TCN1: variants seen among roughly 807,000 people sequenced by gnomAD.
TCN1 encodes transcobalamin 1, also known as transcobalamin-1.
A neutral mutation model predicts 46.3 loss-of-function variants in TCN1; 47 were observed. The ratio of observed to expected loss-of-function variants is 1.01; its 90% confidence interval spans 0.80 to 1.29. TCN1 has a LOEUF of 1.29. Among genes scored for constraint, TCN1 ranks in the 50% most tolerant of loss-of-function variants. TCN1 has a pLI of 0.00. For synonymous variants in TCN1, 183 were observed against 192.5 expected, an observed-to-expected ratio of 0.95 and a Z score of 0.41; for missense variants, 532 against 511.0, an observed-to-expected ratio of 1.04 and a Z score of -0.40.
Position 59,864,082 on chromosome 11 carries a change from T to C in TCN1, c.84A>G (p.Val28=). 6.2e-7 allele frequency: 1 copy of C among 1,613,738 alleles called. No individual in the cohort carries two copies. Among genetic ancestry groups the C allele is most frequent in the Non-Finnish European group, 8.5e-7 (1 of 1,179,650 alleles). The change falls in exon 2 of 9, where the codon GTA becomes GTG. Residue 28 remains valine (V), a synonymous_variant. Coordinates refer to ENST00000257264, the MANE Select transcript of TCN1 (RefSeq NM_001062.4). ...IPSQLCEICE[V]SEENYIRLKP... ...TTAGGCGGATGTAGTTTTCTTCACT[T>C]ACCTCTGTGGCAGAGAAGGAAGGAA...
At position 59,865,411 on chromosome 11, in the gene TCN1, T is replaced by A. The variant is rs142004819; in HGVS notation, c.79+981A>T. ...AATGAATTGAAAGCTAAAACCTACA[T>A]AGCCATTCCCTATTCTTAGGATCCA... is the stretch of plus-strand genomic sequence containing the variant. On this transcript the variant is annotated intron_variant, in intron 1 of 8. Transcript: ENST00000257264. Among the ~76,000 whole-genome samples the A allele has an allele frequency of 1.3e-3, 194 of 152,246 alleles. 4 individuals are homozygous for A. The highest frequency in any genetic ancestry group is 8.9e-3 in the East Asian group (46 of 5,182).
chr11:59,857,169 T>C (rs1224518016), intron 5 of TCN1, among the ~76,000 whole-genome samples: 2 of 152,200 alleles, frequency 1.3e-5, no homozygotes, highest in Admixed American at 6.5e-5. Context: ...TTAAATGTTA[T>C]TAATATTTAA....
chr11:59,864,049 C>T lies in TCN1; in HGVS notation c.117G>A (p.Leu39=), dbSNP rs757617565. ...SEENYIRLKP[L]LNTMIQSNYN... ...AGTTTGACTGGATCATTGTATTCAA[C>T]AGAGGTTTTAGGCGGATGTAGTTTT... Residue 39 remains leucine (L), a synonymous_variant, in exon 2 of 9, where the codon CTG becomes CTA. Transcript: ENST00000257264. 4 of 1,613,882 alleles carry T rather than the reference C, an allele frequency of 2.5e-6. No individual in the cohort carries two copies. The South Asian group carries it at 4.4e-5, about 18-fold the overall frequency.
chr11:59,855,910 A>C lies in TCN1; in HGVS notation c.896T>G (p.Phe299Cys). Residue 299 changes from phenylalanine (F) to cysteine (C), a missense_variant, in exon 6 of 9, where the codon TTC becomes TGC. By Grantham distance (205) the Phe-to-Cys change is radical (BLOSUM62 -2). Coordinates refer to ENST00000257264, the MANE Select transcript of TCN1 (RefSeq NM_001062.4). ...QVLPALMGKT[F>C]LDINKDSSCV... ...AGAAGAGTCTTTGTTAATATCCAAG[A>C]AGGTCTTTCCCATCAGGGCAGGTAA... 2.5e-6 allele frequency: 4 copies of C among 1,613,866 alleles called. No individual in the cohort carries two copies. Among genetic ancestry groups the C allele is most frequent in the Non-Finnish European group, 3.4e-6 (4 of 1,179,804 alleles).
chr11:59,858,980 G>A (rs1398703412), intron 5 of TCN1, 97 bp downstream of exon 5: 1 of 1,399,828 alleles, frequency 7.1e-7, no homozygotes, highest in Non-Finnish European at 1.0e-6. Flanking sequence ...CTCCAGCCTG[G>A]GCAACAAGAG....
In TCN1 at chr11:59,864,025, G is replaced by C; in HGVS notation, c.141C>G (p.Asn47Lys). The C allele has an allele frequency of 6.2e-7, 1 of 1,613,952 alleles. No individual in the cohort carries two copies. Among genetic ancestry groups the C allele is most frequent in the South Asian group, 1.1e-5 (1 of 91,086 alleles). The change falls in exon 2 of 9, where the codon AAC (asparagine) becomes AAG (lysine). Residue 47 changes from asparagine (N) to lysine (K), a missense_variant. Asn to Lys is a moderately conservative substitution (Grantham distance 94, BLOSUM62 0). Transcript: ENST00000257264. ...TGACAGCGCTGGTTCCCCTGTTATA[G>C]TTTGACTGGATCATTGTATTCAACA... is the stretch of plus-strand genomic sequence containing the variant. ...KPLLNTMIQS[N>K]YNRGTSAVNV...
At chr11:59,863,336 GT>G (rs562948407) in intron 2 of TCN1, among the ~76,000 whole-genome samples, 2 of 151,228 alleles carry the variant, frequency 1.3e-5, no homozygotes, top group African/African-American at 2.4e-5. Flanking sequence ...AAGATCTTGG[GT>G]TTTTTTTTCT....
In TCN1 at chr11:59,854,744, A is replaced by C; in HGVS notation, c.1029T>G (p.Asn343Lys). Reference protein sequence around the residue: ...YISVNYSVRINETYFTNVTVL... With the variant: ...YISVNYSVRIKETYFTNVTVL... ...CAGTGACATTGGTGAAATATGTTTC[A>C]TTGATTCTCACAGAGTAATTGACGG... The change falls in exon 7 of 9, where the codon AAT becomes AAG. Residue 343 changes from asparagine (N) to lysine (K), a missense_variant. Coordinates refer to ENST00000257264, the MANE Select transcript of TCN1 (RefSeq NM_001062.4). 2 of 1,614,058 alleles carry C rather than the reference A, an allele frequency of 1.2e-6. No individual in the cohort carries two copies. Among genetic ancestry groups the C allele is most frequent in the South Asian group, 2.2e-5 (2 of 91,088 alleles).
intron 6 of TCN1, among the ~76,000 whole-genome samples, chr11:59,855,387 TAAGAC>T (rs781774027): frequency 1.3e-5 from 2 of 152,182 alleles, no homozygotes; most frequent in Non-Finnish European, 2.9e-5. Flanking sequence ...GACAGAGATA[TAAGAC>T]AATGTCTCCT....
chr11:59,854,026 C>G (rs1434864670), intron 7 of TCN1, among the ~76,000 whole-genome samples: 1 of 147,436 alleles, frequency 6.8e-6, no homozygotes, highest in African/African-American at 2.7e-5. Context: ...TGACCAGTTA[C>G]TTTAGTTTGG....
In TCN1 at chr11:59,855,897, G is replaced by A. The variant is rs1386204046; in HGVS notation, c.909C>T (p.Asn303=). Residue 303 remains asparagine (N), a synonymous_variant, in exon 6 of 9, where the codon AAC becomes AAT. Transcript: ENST00000257264. ...ALMGKTFLDI[N]KDSSCVSASG... is the part of the protein sequence containing the mutation. Reference sequence around the variant, plus strand: ...AAGCAGAGACGCAAGAAGAGTCTTTGTTAATATCCAAGAAGGTCTTTCCCA... The same window carrying A: ...AAGCAGAGACGCAAGAAGAGTCTTTATTAATATCCAAGAAGGTCTTTCCCA... The A allele has an allele frequency of 4.3e-6, 7 of 1,613,740 alleles. No homozygotes were observed. The Admixed American group carries it at 6.7e-5, about 15-fold the overall frequency.
chr11:59,853,216 T>C lies in TCN1; in HGVS notation c.1227A>G (p.Glu409=), dbSNP rs967194715. The C allele has an allele frequency of 1.2e-6, 2 of 1,614,128 alleles. No homozygotes were observed. Among genetic ancestry groups the C allele is most frequent in the Non-Finnish European group, 1.7e-6 (2 of 1,180,020 alleles). The part of the protein sequence containing the change: ...RTYWELLSGG[E]PLSQGAGSYV... ...TCTCTCCCTTACCTTGGCTCAGTGGTTCGCCTCCACTCAGAAGTTCCCAGT... is the reference window on the plus strand; with the variant it reads ...TCTCTCCCTTACCTTGGCTCAGTGGCTCGCCTCCACTCAGAAGTTCCCAGT... Residue 409 remains glutamate, a synonymous_variant, in exon 8 of 9, where the codon GAA becomes GAG. Coordinates refer to ENST00000257264, the MANE Select transcript of TCN1 (RefSeq NM_001062.4).
Position 59,853,153 on chromosome 11 carries a change from T to A in TCN1, c.1240+50A>T, listed in dbSNP as rs1486275208. On this transcript the variant is annotated intron_variant, in intron 8 of 8. Coordinates refer to ENST00000257264, the MANE Select transcript of TCN1 (RefSeq NM_001062.4). ...ATCCCCACAGAGGCTCACACCCCTCTCCATTTGGGCATTTTTAGCATGGGT... is the reference window on the plus strand; with the variant it reads ...ATCCCCACAGAGGCTCACACCCCTCACCATTTGGGCATTTTTAGCATGGGT... 6.2e-6 allele frequency: 10 copies of A among 1,608,180 alleles called. No homozygotes were observed. In the East Asian group the frequency reaches 2.2e-4, roughly 36 times the overall value.
Position 59,859,154 on chromosome 11 carries a change from G to C in TCN1, c.670C>G (p.Leu224Val), listed in dbSNP as rs1852987599. Reference sequence around the variant, plus strand: ...TTCTCAGACAGAATCTTTTCTACCAGTGACTTTGTATAAATACTGATGTTC... The same window carrying C: ...TTCTCAGACAGAATCTTTTCTACCACTGACTTTGTATAAATACTGATGTTC... ...LKNISIYTKS[L>V]VEKILSEKKE... Residue 224 changes from leucine to valine, a missense_variant, in exon 5 of 9, where the codon CTG becomes GTG. Coordinates refer to ENST00000257264, the MANE Select transcript of TCN1 (RefSeq NM_001062.4). 3 of 1,613,862 alleles carry C rather than the reference G, an allele frequency of 1.9e-6. No individual in the cohort carries two copies. The highest frequency in any genetic ancestry group is 2.5e-6 in the Non-Finnish European group (3 of 1,180,046).
intron 5 of TCN1, among the ~76,000 whole-genome samples, chr11:59,858,136 G>A (rs1458960992): frequency 6.6e-6 from 1 of 152,130 alleles, no homozygotes; most frequent in East Asian, 1.9e-4. Context: ...CATTGCTCTT[G>A]TGCTTTGGGG....
At chr11:59,862,560 T>C (rs935601538) in intron 3 of TCN1, 22 bp downstream of exon 3, 1 of 1,612,136 alleles carries the variant, frequency 6.2e-7, no homozygotes, top group African/African-American at 1.3e-5. Flanking sequence ...TAGTCTAGGG[T>C]CTCTAAATAT....
chr11:59,865,930 G>T (rs1853068246), intron 1 of TCN1, among the ~76,000 whole-genome samples: 1 of 152,092 alleles, frequency 6.6e-6, no homozygotes, highest in Non-Finnish European at 1.5e-5. Flanking sequence ...CTCATGACAA[G>T]ACAGCAGTCA....
Position 59,861,697 on chromosome 11 carries a change from A to C in TCN1, c.401-15T>G, listed in dbSNP as rs753932729. The C allele has an allele frequency of 1.1e-5, 17 of 1,613,516 alleles. No homozygotes were observed. The highest frequency in any genetic ancestry group is 1.4e-5 in the Non-Finnish European group (17 of 1,179,588). ...ATTGTGTGCTTCTAGAAAAGAGAAG[A>C]AATACCTCCCTTAATCATGGAAGTG... On this transcript the variant is annotated splice_polypyrimidine_tract_variant and intron_variant, in intron 3 of 8. Transcript: ENST00000257264.
chr11:59,855,759 T>C (rs1270243857), intron 6 of TCN1, 110 bp downstream of exon 6: 2 of 1,195,118 alleles, frequency 1.7e-6, no homozygotes, highest in South Asian at 1.2e-5. Context: ...GCAACTGTTA[T>C]GTTTTGGAGG....
Sources: allele counts gnomAD v4.1 joint callset (sites outside exome capture counted in the v4.1 genomes callset), GRCh38; gene constraint gnomAD v4.1.1; transcripts MANE v1.5; gene names NCBI Gene and HGNC (gene_info 2026-07-23, HGNC 2026-07-21).